Variants in SPATA21 observed in about 807,000 individuals in gnomAD.
SPATA21 encodes spermatogenesis-associated protein 21.
In SPATA21, 47 loss-of-function variants were observed where a neutral mutation model predicts 54.8. The observed-to-expected ratio is 0.86, with a 90% CI of 0.68 to 1.09. The LOEUF is 1.09. SPATA21 is among the 50% of genes least tolerant of loss of function. The pLI, the probability that SPATA21 is intolerant of heterozygous loss-of-function variation, is 0.00. For missense variants in SPATA21, 599 were observed against 596.4 expected, an observed-to-expected ratio of 1.00 and a Z score of -0.05; for synonymous variants, 245 against 235.3, an observed-to-expected ratio of 1.04 and a Z score of -0.38.
At chr1:16,405,452 C>T (rs376911971) in intron 7 of SPATA21, among the ~76,000 whole-genome samples, 2 of 142,700 alleles carry the variant, frequency 1.4e-5, no homozygotes, top group Non-Finnish European at 1.5e-5. Flanking sequence ...AGACCAGCCA[C>T]GGCAACACAG....
chr1:16,420,037 C>A (rs1407338359), intron 5 of SPATA21, among the ~76,000 whole-genome samples: 1 of 151,862 alleles, frequency 6.6e-6, no homozygotes, highest in Non-Finnish European at 1.5e-5. Flanking sequence ...AGATGGGAGA[C>A]CAGAGGGTGG....
chr1:16,431,350 T>G lies in SPATA21; in HGVS notation c.22A>C (p.Met8Leu). 1 of 1,614,060 alleles carries G rather than the reference T, an allele frequency of 6.2e-7. No individual in the cohort carries two copies. The highest frequency in any genetic ancestry group is 8.5e-7 in the Non-Finnish European group (1 of 1,179,990). Residue 8 changes from methionine (M) to leucine (L), a missense_variant, in exon 3 of 13, where the codon ATG becomes CTG. By Grantham distance (15) the Met-to-Leu change is conservative. Coordinates refer to ENST00000335496, the MANE Select transcript of SPATA21 (RefSeq NM_198546.1). ...GCCTTGGTTCTACCCTCCGTGTACATCTGGGTGTTTCTATTGTCCATGATG... is the reference window on the plus strand; with the variant it reads ...GCCTTGGTTCTACCCTCCGTGTACAGCTGGGTGTTTCTATTGTCCATGATG... MDNRNTQMYTEEEKTVNP... is the reference protein window; with the variant it reads MDNRNTQLYTEEEKTVNP...
In SPATA21 at chr1:16,400,839, G is replaced by A. The variant is rs367646729; in HGVS notation, c.1055C>T (p.Ala352Val). ...EGTCKAQEME[A>V]AVGRLRLQKL... ...CTGCAACCGCAGCCGGCCTACGGCC[G>A]CTTCCATCTCCTGGGCCTTGCAGGT... The change falls in exon 11 of 13, where the codon GCG (alanine) becomes GTG (valine). Residue 352 changes from alanine to valine, a missense_variant. Ala to Val is a moderately conservative substitution (Grantham distance 64). Coordinates refer to ENST00000335496, the MANE Select transcript of SPATA21 (RefSeq NM_198546.1). The A allele has an allele frequency of 1.2e-6, 2 of 1,614,102 alleles. No individual in the cohort carries two copies. Among genetic ancestry groups the A allele is most frequent in the African/African-American group, 2.7e-5 (2 of 74,938 alleles).
At chr1:16,404,927 GC>G (rs776285258) in intron 8 of SPATA21, 39 bp downstream of exon 8, 2 of 1,521,430 alleles carry the variant, frequency 1.3e-6, no homozygotes, top group Non-Finnish European at 1.8e-6. Flanking sequence ...AGTGAAGCAG[GC>G]CCTGCCTGGG....
Position 16,409,789 on chromosome 1 carries a change from C to T in SPATA21, c.399G>A (p.Ser133=), listed in dbSNP as rs764741230. Residue 133 remains serine, a synonymous_variant, in exon 6 of 13, where the codon TCG becomes TCA. Coordinates refer to ENST00000335496, the MANE Select transcript of SPATA21 (RefSeq NM_198546.1). The surrounding 1 kb of genome is among the most constrained non-coding windows in gnomAD (Gnocchi z 4.1). The stretch of plus-strand genomic sequence containing the variant: ...CCCACGATGGGCCGCTGGCAGGGAC[C>T]GAGGCAGGGGTCTGAGGCAGGCTTG... ...SAPSLPQTPA[S]VPASGPSWAR... The T allele has an allele frequency of 3.9e-5, 63 of 1,601,974 alleles. No individual in the cohort carries two copies. The South Asian group carries it at 5.8e-4, about 15-fold the overall frequency.
intron 3 of SPATA21, chr1:16,427,892 G>A (rs2086362839): frequency 6.5e-7 from 1 of 1,549,614 alleles, no homozygotes; most frequent in African/African-American, 1.4e-5. Context: ...CCCTGCTCCT[G>A]GATTCTGAGC....
In SPATA21 at chr1:16,405,043, C is replaced by T. The variant is rs2085585308; in HGVS notation, c.735G>A (p.Lys245=). 1 of 1,610,080 alleles carries T rather than the reference C, an allele frequency of 6.2e-7. No homozygotes were observed. Among genetic ancestry groups the T allele is most frequent in the Non-Finnish European group, 8.5e-7 (1 of 1,178,794 alleles). The change falls in exon 8 of 13, where the codon AAG becomes AAA. Residue 245 remains lysine, a synonymous_variant. Coordinates refer to ENST00000335496, the MANE Select transcript of SPATA21 (RefSeq NM_198546.1). ...AGAAGCCCATTAGGAGCAGGATATTCTTCAGGCTCTGTGCATCCACCTCAC... is the reference window on the plus strand; with the variant it reads ...AGAAGCCCATTAGGAGCAGGATATTTTTCAGGCTCTGTGCATCCACCTCAC... The part of the protein sequence containing the change: ...GPGEVDAQSL[K]NILLLMGFSV...
chr1:16,421,790 A>G lies in SPATA21; in HGVS notation c.95+121T>C. On this transcript the variant is annotated intron_variant, in intron 4 of 12. Transcript: ENST00000335496. This position sits in a 1 kb window ranked among gnomAD's most constrained non-coding sequence, Gnocchi z 5.2. ...TGGGGAAATTGAGACCCAGCGGAGC[A>G]TGACTTGCCCAAGGTCCTCTACCAG... The G allele has an allele frequency of 2.0e-6, 3 of 1,464,136 alleles. No homozygotes were observed. The allele number at this position is 1,464,136 out of a possible 1,614,324, so 90.7% of individuals were successfully genotyped here. A position where few individuals can be genotyped will look rare whatever the true frequency, so the allele number is the denominator to read the frequency against.
At chr1:16,434,926 T>G (rs528885442) in intron 1 of SPATA21, among the ~76,000 whole-genome samples, 3 of 151,360 alleles carry the variant, frequency 2.0e-5, no homozygotes, top group Non-Finnish European at 4.4e-5. Context: ...GGTATGACCA[T>G]AGCTCACTGC....
rs755784596 is a variant in SPATA21 at position 16,431,406 on chromosome 1, C to G, written c.-35G>C. 1 of 1,613,354 alleles carries G rather than the reference C, an allele frequency of 6.2e-7. No homozygotes were observed. The highest frequency in any genetic ancestry group is 1.7e-5 in the Admixed American group (1 of 59,950). ...GCCAACACGGGTGCCAAGTGAGGGG[C>G]ATCACCTAGTGTGCTCCTACAGGAG... On this transcript the variant is annotated 5_prime_UTR_variant, in exon 3 of 13. The change abolishes an upstream ATG in the 5' untranslated region. Coordinates refer to ENST00000335496, the MANE Select transcript of SPATA21 (RefSeq NM_198546.1).
At chr1:16,405,211 A>C in intron 7 of SPATA21, 107 bp from the exon 8 acceptor site, 1 of 1,469,460 alleles carries the variant, frequency 6.8e-7, no homozygotes, top group Non-Finnish European at 9.0e-7. Flanking sequence ...TCAAAAGTGA[A>C]AATAAAATTG....
chr1:16,436,327 C>T (rs2086584007), intron 1 of SPATA21, among the ~76,000 whole-genome samples: 1 of 146,894 alleles, frequency 6.8e-6, no homozygotes, highest in Non-Finnish European at 1.5e-5. Flanking sequence ...TGGAGGGTTG[C>T]AGTGAGCCGA....
At chr1:16,419,942 A>C (rs1464589543) in intron 5 of SPATA21, among the ~76,000 whole-genome samples, 2 of 152,090 alleles carry the variant, frequency 1.3e-5, no homozygotes, top group Non-Finnish European at 2.9e-5. Context: ...TCAATTCAAA[A>C]AAAGAAAAAG....
intron 5 of SPATA21, among the ~76,000 whole-genome samples, chr1:16,416,340 C>G (rs993280401): frequency 1.7e-4 from 26 of 152,172 alleles, no homozygotes; most frequent in Admixed American, 1.4e-3. Flanking sequence ...CCACCCAGTT[C>G]TCTCTCATTT....
intron 7 of SPATA21, among the ~76,000 whole-genome samples, chr1:16,407,660 A>C (rs557750765): frequency 6.6e-6 from 1 of 152,020 alleles, no homozygotes; most frequent in Admixed American, 6.6e-5. Flanking sequence ...GGGTTTCACC[A>C]TGTTGGTCAG....
At chr1:16,416,396 G>A (rs1447203958) in intron 5 of SPATA21, among the ~76,000 whole-genome samples, 1 of 151,922 alleles carries the variant, frequency 6.6e-6, no homozygotes, top group Non-Finnish European at 1.5e-5. Context: ...ATGTGGTGGG[G>A]GCCGGGCACG....
Position 16,423,833 on chromosome 1 carries a change from G to A in SPATA21, c.35-1862C>T, listed in dbSNP as rs368930403. ...TGCTGGGATTACAGGCTGAGCCACCGCACCCGACCTAGATGAATCTCAAAT... is the reference window on the plus strand; with the variant it reads ...TGCTGGGATTACAGGCTGAGCCACCACACCCGACCTAGATGAATCTCAAAT... On this transcript the variant is annotated intron_variant, in intron 3 of 12. Transcript: ENST00000335496. 1.9e-4 allele frequency among the ~76,000 whole-genome samples: 29 copies of A among 152,046 alleles called. 1 individual carries two copies. The South Asian group carries it at 5.4e-3, about 28-fold the overall frequency.
At chr1:16,415,668 T>C (rs1456702486) in intron 5 of SPATA21, among the ~76,000 whole-genome samples, 1 of 152,168 alleles carries the variant, frequency 6.6e-6, no homozygotes, top group Non-Finnish European at 1.5e-5. Flanking sequence ...CACGCCATTC[T>C]CCTGCCTCAG....
intron 5 of SPATA21, among the ~76,000 whole-genome samples, chr1:16,417,584 C>T (rs898598221): frequency 4.6e-5 from 7 of 152,156 alleles, no homozygotes; most frequent in East Asian, 3.9e-4. Flanking sequence ...CCTGCCACCA[C>T]GCCTGGCTAA....
Sources: gnomAD v4.1 joint callset for allele counts (sites outside exome capture counted in the v4.1 genomes callset) on GRCh38, gnomAD v4.1.1 for gene constraint, Gnocchi (gnomAD v3.1) non-coding constraint, MANE v1.5 for transcripts, NCBI Gene and HGNC (gene_info 2026-07-23, HGNC 2026-07-21) for gene names.